TCF7L2: variants seen among roughly 807,000 people sequenced by gnomAD.
TCF7L2 encodes the protein transcription factor 7 like 2.
Under a neutral mutation model 77.9 loss-of-function variants are expected in TCF7L2, and 23 were observed. That is an observed-to-expected ratio of 0.30 (90% CI 0.21 to 0.42). TCF7L2 has a LOEUF of 0.42. Among genes scored for constraint, TCF7L2 ranks in the 10% least tolerant of loss-of-function variants. The pLI, the probability that TCF7L2 is intolerant of heterozygous loss-of-function variation, is 1.00. For synonymous variants in TCF7L2, 413 were observed against 340.2 expected, an observed-to-expected ratio of 1.21 and a Z score of -2.36; for missense variants, 654 against 793.1, an observed-to-expected ratio of 0.82 and a Z score of 2.11.
intron 4 of TCF7L2, among the ~76,000 whole-genome samples, chr10:112,966,494 G>A (rs975928522): frequency 2.6e-5 from 4 of 152,102 alleles, no homozygotes; most frequent in Non-Finnish European, 5.9e-5. Flanking sequence ...TGCCTGAGTG[G>A]ATGTACAACT....
At chr10:113,105,459 G>A (rs539206529) in intron 5 of TCF7L2, among the ~76,000 whole-genome samples, 41 of 152,256 alleles carry the variant, frequency 2.7e-4, no homozygotes, top group Admixed American at 4.6e-4. Context: ...GGCTGCCCAG[G>A]AAAGCCATAA....
chr10:113,076,329 G>C (rs2135362869), intron 5 of TCF7L2, among the ~76,000 whole-genome samples: 1 of 152,098 alleles, frequency 6.6e-6, no homozygotes, highest in African/African-American at 2.4e-5. Context: ...GTAGAGACAG[G>C]GTCTTACCCT....
intron 4 of TCF7L2, among the ~76,000 whole-genome samples, chr10:112,994,656 G>A (rs1286564126): frequency 6.6e-6 from 1 of 152,200 alleles, no homozygotes; most frequent in Non-Finnish European, 1.5e-5. Context: ...TGTACCAGTT[G>A]TGTTAGGCAG....
chr10:113,090,232 C>A (rs1351483871), intron 5 of TCF7L2, among the ~76,000 whole-genome samples: 2 of 152,080 alleles, frequency 1.3e-5, no homozygotes, highest in African/African-American at 2.4e-5. Flanking sequence ...AAAGTCAATG[C>A]AGATGAAAAA....
chr10:112,986,493 G>T (rs1277106564), intron 4 of TCF7L2, among the ~76,000 whole-genome samples: 3 of 152,110 alleles, frequency 2.0e-5, no homozygotes, highest in African/African-American at 7.2e-5. Flanking sequence ...AGTTCTCTGG[G>T]ATCTGACTAA....
At chr10:113,148,514 G>A (rs754386810) in intron 8 of TCF7L2, among the ~76,000 whole-genome samples, 23 of 152,158 alleles carry the variant, frequency 1.5e-4, no homozygotes, top group East Asian at 1.9e-4. Flanking sequence ...AATCAAGGCC[G>A]GCAGATGACA....
Position 112,951,203 on chromosome 10 carries a change from G to A in TCF7L2, c.190-4G>A. On this transcript the variant is annotated splice_region_variant and splice_polypyrimidine_tract_variant and intron_variant, in intron 1 of 13. Coordinates refer to ENST00000627217, the MANE Select transcript of TCF7L2 (RefSeq NM_001146274.2). ...GCCCTCCCCACCTCCACCCCTCTGG[G>A]AAGGCGGAAAGACGGCCTCCGCCTC... 1.9e-6 allele frequency: 3 copies of A among 1,584,100 alleles called. No individual in the cohort carries two copies. The South Asian group carries it at 3.4e-5, about 18-fold the overall frequency.
chr10:113,101,384 A>G (rs886376638), intron 5 of TCF7L2, among the ~76,000 whole-genome samples: 2 of 151,970 alleles, frequency 1.3e-5, no homozygotes, highest in Non-Finnish European at 2.9e-5. Context: ...CTCTACAAAA[A>G]ATTAAAAAGT....
At chr10:113,000,950 A>T (rs1191531095) in intron 4 of TCF7L2, among the ~76,000 whole-genome samples, 1 of 152,124 alleles carries the variant, frequency 6.6e-6, no homozygotes, top group Admixed American at 6.5e-5. Context: ...GTCTCTAAGG[A>T]TTCTGCTTCA....
At chr10:113,036,126 A>C (rs559216552) in intron 4 of TCF7L2, among the ~76,000 whole-genome samples, 1 of 124,082 alleles carries the variant, frequency 8.1e-6, no homozygotes, top group Admixed American at 7.6e-5. Context: ...CATCATCATC[A>C]TCATCATCAT....
chr10:113,086,901 G>T (rs1466548837), intron 5 of TCF7L2, among the ~76,000 whole-genome samples: 1 of 152,060 alleles, frequency 6.6e-6, no homozygotes, highest in African/African-American at 2.4e-5. Flanking sequence ...TTCTGTAAGA[G>T]GATTGGAAAT....
At chr10:113,029,126 T>G (rs150155717) in intron 4 of TCF7L2, among the ~76,000 whole-genome samples, 268 of 152,170 alleles carry the variant, frequency 1.8e-3, no homozygotes, top group African/African-American at 6.0e-3. Context: ...TCATGCCTAC[T>G]TTTTTTTAGG....
At chr10:113,082,808 A>T (rs1296668832) in intron 5 of TCF7L2, among the ~76,000 whole-genome samples, 3 of 151,786 alleles carry the variant, frequency 2.0e-5, no homozygotes, top group Non-Finnish European at 4.4e-5. Context: ...AGTGTGTTGG[A>T]GGTGGACACA....
intron 3 of TCF7L2, among the ~76,000 whole-genome samples, chr10:112,961,808 C>T (rs548505160): frequency 3.0e-5 from 3 of 100,006 alleles, no homozygotes; most frequent in Admixed American, 1.4e-4. Context: ...TCGCTGGGCA[C>T]GTGAGGGAAG....
intron 5 of TCF7L2, among the ~76,000 whole-genome samples, chr10:113,045,079 G>A (rs1243393060): frequency 2.6e-5 from 4 of 152,150 alleles, no homozygotes; most frequent in African/African-American, 7.2e-5. Context: ...GGGGAGTATT[G>A]GAGGAGGAGC....
In TCF7L2 at chr10:113,141,258, A is replaced by G. The variant is rs1397163362; in HGVS notation, c.627A>G (p.Glu209=). 6.2e-7 allele frequency: 1 copy of G among 1,614,154 alleles called. No homozygotes were observed. The highest frequency in any genetic ancestry group is 8.5e-7 in the Non-Finnish European group (1 of 1,180,038). ...CGCCTCTTATCACGTACAGCAATGA[A>G]CACTTCACGCCGGGAAACCCACCTC... Residue 209 remains glutamate, a synonymous_variant, in exon 6 of 14, where the codon GAA becomes GAG. Coordinates refer to ENST00000627217, the MANE Select transcript of TCF7L2 (RefSeq NM_001146274.2).
At chr10:112,959,188 CTT>C (rs1475198247) in intron 3 of TCF7L2, among the ~76,000 whole-genome samples, 1 of 151,482 alleles carries the variant, frequency 6.6e-6, no homozygotes, top group African/African-American at 2.4e-5. Flanking sequence ...TTTTGCGAGA[CTT>C]TGCAGCACAA....
At chr10:113,072,146 C>T (rs369475527) in intron 5 of TCF7L2, among the ~76,000 whole-genome samples, 1 of 151,532 alleles carries the variant, frequency 6.6e-6, no homozygotes, top group South Asian at 2.1e-4. Flanking sequence ...ACCTCTGCCT[C>T]CTGGATTCAC....
intron 5 of TCF7L2, among the ~76,000 whole-genome samples, chr10:113,138,846 C>A (rs1405976232): frequency 6.6e-6 from 1 of 152,144 alleles, no homozygotes; most frequent in Non-Finnish European, 1.5e-5. Flanking sequence ...AGCCCAGACC[C>A]ACTGTGAATG....
Sources: allele counts gnomAD v4.1 joint callset (sites outside exome capture counted in the v4.1 genomes callset), GRCh38; gene constraint gnomAD v4.1.1; transcripts MANE v1.5; gene names NCBI Gene and HGNC (gene_info 2026-07-23, HGNC 2026-07-21).